Variants in ARHGEF16 observed in about 807,000 individuals in gnomAD.
ARHGEF16 encodes Rho guanine nucleotide exchange factor 16.
In ARHGEF16, 59 loss-of-function variants were observed where a neutral mutation model predicts 74.1. That is an observed-to-expected ratio of 0.80 (90% CI 0.65 to 0.99). The LOEUF (loss-of-function observed/expected upper bound fraction) is 0.99. Among genes scored for constraint, ARHGEF16 ranks in the 50% least tolerant of loss-of-function variants. ARHGEF16 has a pLI of 0.00. For missense variants in ARHGEF16, 948 were observed against 986.6 expected (o/e 0.96, Z 0.52); for synonymous variants, 415 against 412.6 (o/e 1.01, Z -0.07).
chr1:3,457,304 G>A (rs919744658), intron 1 of ARHGEF16, among the ~76,000 whole-genome samples: 3 of 152,240 alleles, frequency 2.0e-5, no homozygotes, highest in East Asian at 3.8e-4. Context: ...GAGAGGCCGC[G>A]CCCCACTGGG....
At chr1:3,462,529 G>A (rs1020001507) in intron 1 of ARHGEF16, among the ~76,000 whole-genome samples, 9 of 152,162 alleles carry the variant, frequency 5.9e-5, no homozygotes, top group Admixed American at 4.6e-4. Flanking sequence ...GGTCACTGCC[G>A]CTGTGGCTGA....
chr1:3,461,056 A>G (rs1639381099), intron 1 of ARHGEF16, among the ~76,000 whole-genome samples: 1 of 152,190 alleles, frequency 6.6e-6, no homozygotes, highest in African/African-American at 2.4e-5. Flanking sequence ...CGAGTGACTC[A>G]GCCTTGTTTT....
intron 6 of ARHGEF16, chr1:3,471,688 G>A: frequency 1.6e-6 from 2 of 1,242,754 alleles, no homozygotes; most frequent in African/African-American, 1.6e-5. Context: ...CAGGGCTTTA[G>A]ATTGCTGCCC....
At chr1:3,464,491 G>A (rs550693170) in intron 2 of ARHGEF16, among the ~76,000 whole-genome samples, 3 of 152,302 alleles carry the variant, frequency 2.0e-5, no homozygotes, top group East Asian at 3.9e-4. Flanking sequence ...AGGCAGGGCT[G>A]GGGTAGGGGA....
chr1:3,462,961 T>C, intron 1 of ARHGEF16, 105 bp from the exon 2 acceptor site: 1 of 756,226 alleles, frequency 1.3e-6, no homozygotes, highest in Non-Finnish European at 2.0e-6. Flanking sequence ...TCCTGGGAGC[T>C]GTACTGGAGC....
intron 6 of ARHGEF16, among the ~76,000 whole-genome samples, chr1:3,472,295 TGGG>T (rs1639747647): frequency 6.6e-6 from 1 of 152,174 alleles, no homozygotes; most frequent in African/African-American, 2.4e-5. Flanking sequence ...TGGCCGCCCA[TGGG>T]GGCAGAATCC....
At chr1:3,459,319 A>AC (rs1639338944) in intron 1 of ARHGEF16, among the ~76,000 whole-genome samples, 1 of 152,204 alleles carries the variant, frequency 6.6e-6, no homozygotes, top group Non-Finnish European at 1.5e-5. Flanking sequence ...AGAGATCGGG[A>AC]CATTGGGGCC....
rs376100538 is a variant in ARHGEF16, at chr1:3,466,207, C to T, written c.634+14C>T. ...CCTTCAAGGACGGTGAGTGTGGCTT[C>T]GGGAGGCACCGCGGGCTGGGCTCCA... On this transcript the variant is annotated intron_variant, in intron 3 of 14. Transcript: ENST00000378378. The T allele has an allele frequency of 2.3e-4, 360 of 1,535,396 alleles. 7 individuals are homozygous for T. Among genetic ancestry groups the T allele is most frequent in the South Asian group, 8.9e-4 (73 of 81,836 alleles).
chr1:3,471,913 A>G, intron 6 of ARHGEF16: 2 of 823,216 alleles, frequency 2.4e-6, no homozygotes, highest in Non-Finnish European at 3.0e-6. Context: ...TCATCCAGCA[A>G]CCGAGGCCTC....
At chr1:3,470,396 G>T (rs1398382097) in intron 6 of ARHGEF16, among the ~76,000 whole-genome samples, 1 of 150,886 alleles carries the variant, frequency 6.6e-6, no homozygotes, top group Non-Finnish European at 1.5e-5. Flanking sequence ...GGGTTTGTGT[G>T]CCTGGGCAGC....
chr1:3,462,703 C>T (rs1479081415), intron 1 of ARHGEF16, among the ~76,000 whole-genome samples: 1 of 152,230 alleles, frequency 6.6e-6, no homozygotes, highest in African/African-American at 2.4e-5. Flanking sequence ...TGCCTCCAGG[C>T]TCAGGAATGT....
rs374844110 is a variant in ARHGEF16 at position 3,480,608 on chromosome 1, G to A, written c.*21G>A. ...TGTAGCCCTGGCGAGGCCAGCCGGC[G>A]GCAGCACAGCCTGTCTCCAATCAGC... On this transcript the variant is annotated 3_prime_UTR_variant, in exon 15 of 15. Transcript: ENST00000378378. 49 of 1,599,524 alleles carry A rather than the reference G, an allele frequency of 3.1e-5. No individual in the cohort carries two copies. Among genetic ancestry groups the A allele is most frequent in the South Asian group, 1.9e-4 (17 of 90,790 alleles).
rs1400368364 is a variant in ARHGEF16, at chr1:3,480,835, G to A, written c.*248G>A. Reference sequence around the variant, plus strand: ...GTCCCAGGGAGCCCAGCCTATTCCCGTTGGCTGGCTGGGCCCCTCAGCTGC... The same window carrying A: ...GTCCCAGGGAGCCCAGCCTATTCCCATTGGCTGGCTGGGCCCCTCAGCTGC... On this transcript the variant is annotated 3_prime_UTR_variant, in exon 15 of 15. Coordinates refer to ENST00000378378, the MANE Select transcript of ARHGEF16 (RefSeq NM_014448.4). The A allele has an allele frequency of 5.0e-5, 25 of 501,438 alleles. No individual in the cohort carries two copies. The highest frequency in any genetic ancestry group is 4.0e-4 in the East Asian group (12 of 29,964). The allele number at this position is 501,438 out of a possible 1,614,324, so 31.1% of individuals were successfully genotyped here. A position where few individuals can be genotyped will look rare whatever the true frequency, so the allele number is the denominator to read the frequency against.
chr1:3,462,986 T>G, intron 1 of ARHGEF16, 80 bp from the exon 2 acceptor site: 1 of 1,021,638 alleles, frequency 9.8e-7, no homozygotes. Context: ...GCCAGACATA[T>G]GCAAAGGGGT....
intron 6 of ARHGEF16, among the ~76,000 whole-genome samples, chr1:3,470,873 GGTGTATGTGC>G (rs1639696910): frequency 7.2e-6 from 1 of 138,140 alleles, no homozygotes; most frequent in Admixed American, 7.2e-5. Context: ...CGTGGGCAGG[GGTGTATGTGC>G]GTGGGTGTGT....
chr1:3,477,883 A>G lies in ARHGEF16; in HGVS notation c.1482A>G (p.Pro494=), dbSNP rs752078814. The part of the protein sequence containing the change: ...QLDFSKVKSL[P]LISASRWLLK... ...CGGCTCTGTCCCCCCAGTCCCTCCC[A>G]CTGATCTCTGCCTCCCGGTGGCTGC... The change falls in exon 11 of 15, where the codon CCA becomes CCG. Residue 494 remains proline, a synonymous_variant. Transcript: ENST00000378378. 1 of 1,599,286 alleles carries G rather than the reference A, an allele frequency of 6.3e-7. No homozygotes were observed. Among genetic ancestry groups the G allele is most frequent in the Non-Finnish European group, 8.5e-7 (1 of 1,170,316 alleles).
In ARHGEF16 at chr1:3,466,190, G is replaced by C; in HGVS notation, c.631G>C (p.Asp211His). 4 of 1,543,364 alleles carry C rather than the reference G, an allele frequency of 2.6e-6. No individual in the cohort carries two copies. The highest frequency in any genetic ancestry group is 3.5e-6 in the Non-Finnish European group (4 of 1,143,682). Residue 211 changes from aspartate to histidine, a missense_variant, in exon 3 of 15, where the codon GAC (aspartate) becomes CAC (histidine). By Grantham distance (81) the Asp-to-His change is moderately conservative. Coordinates refer to ENST00000378378, the MANE Select transcript of ARHGEF16 (RefSeq NM_014448.4). Reference protein sequence around the residue: ...RKRGHKGSFKDDPQLYQEIQE... With the variant: ...RKRGHKGSFKHDPQLYQEIQE... ...ACGTGGGCACAAGGGTTCCTTCAAG[G>C]ACGGTGAGTGTGGCTTCGGGAGGCA...
At chr1:3,479,195 C>T (rs559021043) in intron 12 of ARHGEF16, among the ~76,000 whole-genome samples, 4 of 152,302 alleles carry the variant, frequency 2.6e-5, no homozygotes, top group East Asian at 1.9e-4. Flanking sequence ...AGCTCTGGGC[C>T]GTTTCCAGAT....
At chr1:3,471,882 G>C (rs564767607) in intron 6 of ARHGEF16, 3 of 1,002,696 alleles carry the variant, frequency 3.0e-6, no homozygotes, top group Non-Finnish European at 3.7e-6. Flanking sequence ...GCCTGGGCAC[G>C]TACGCATGTC....
Sources: gnomAD v4.1 joint callset for allele counts (sites outside exome capture counted in the v4.1 genomes callset) on GRCh38, gnomAD v4.1.1 for gene constraint, MANE v1.5 for transcripts, NCBI Gene and HGNC (gene_info 2026-07-23, HGNC 2026-07-21) for gene names.